TAFA2: variants seen among roughly 807,000 people sequenced by gnomAD.
TAFA2 encodes the protein TAFA chemokine like family member 2.
In TAFA2, 7 loss-of-function variants were observed where a neutral mutation model predicts 18.8. The ratio of observed to expected loss-of-function variants is 0.37; its 90% CI spans 0.21 to 0.70. The LOEUF is 0.70. TAFA2 is among the 30% of genes least tolerant of loss of function. The pLI is 0.53. For synonymous variants in TAFA2, 60 were observed against 54.2 expected (o/e 1.11, Z -0.47); for missense variants, 122 against 158.1 (o/e 0.77, Z 1.23).
At chr12:61,929,228 A>G (rs1263931887) in intron 1 of TAFA2, among the ~76,000 whole-genome samples, 5 of 152,048 alleles carry the variant, frequency 3.3e-5, no homozygotes, top group Non-Finnish European at 7.4e-5. Flanking sequence ...AGGAAGGGAC[A>G]CATATTCTAC....
intron 1 of TAFA2, among the ~76,000 whole-genome samples, chr12:61,922,854 T>C (rs1408282329): frequency 2.0e-5 from 3 of 152,146 alleles, no homozygotes; most frequent in Non-Finnish European, 4.4e-5. Flanking sequence ...TGGCTTGAAA[T>C]TCTCGCTGCC....
chr12:61,973,067 T>C (rs1306904431), intron 1 of TAFA2, among the ~76,000 whole-genome samples: 1 of 151,700 alleles, frequency 6.6e-6, no homozygotes, highest in Non-Finnish European at 1.5e-5. Context: ...GAACAGTATG[T>C]TTTTCCTTTT....
intron 4 of TAFA2, among the ~76,000 whole-genome samples, chr12:61,741,179 A>G (rs929751289): frequency 6.6e-6 from 1 of 151,980 alleles, no homozygotes; most frequent in Non-Finnish European, 1.5e-5. Context: ...GGAATCTTAA[A>G]TTATTTTCAA....
intron 1 of TAFA2, among the ~76,000 whole-genome samples, chr12:61,927,196 T>C (rs1565684345): frequency 6.6e-6 from 1 of 151,958 alleles, no homozygotes; most frequent in African/African-American, 2.4e-5. Context: ...ATAAAGCGTA[T>C]TCAAATAGGA....
chr12:62,037,347 C>G (rs941235636), intron 1 of TAFA2, among the ~76,000 whole-genome samples: 12 of 152,158 alleles, frequency 7.9e-5, no homozygotes, highest in Admixed American at 2.6e-4. Context: ...AAGAATAATA[C>G]CAAAAGAATC....
At chr12:61,837,531 A>G (rs889209531) in intron 2 of TAFA2, among the ~76,000 whole-genome samples, 7 of 151,974 alleles carry the variant, frequency 4.6e-5, no homozygotes, top group African/African-American at 1.7e-4. Flanking sequence ...CTTAAATTAA[A>G]TCATTTTGAA....
chr12:61,944,504 A>G lies in TAFA2; in HGVS notation c.-1-77078T>C, dbSNP rs1878179306. On this transcript the variant is annotated intron_variant, in intron 1 of 4. Transcript: ENST00000416284. Reference sequence around the variant, plus strand: ...ACACAAAAAACCCTTCAAAAAATCAATGAATCCAGGAGCTGGTTTTTTGAA... The same window carrying G: ...ACACAAAAAACCCTTCAAAAAATCAGTGAATCCAGGAGCTGGTTTTTTGAA... Among the ~76,000 whole-genome samples the G allele has an allele frequency of 4.1e-5, 5 of 123,004 alleles. No homozygotes were observed. The East Asian group carries it at 7.8e-4, about 19-fold the overall frequency. 80.7% of individuals were successfully genotyped at this position (123,004 alleles called of 152,430 possible).
At chr12:62,162,318 G>T (rs1335647126) in intron 1 of TAFA2, among the ~76,000 whole-genome samples, 1 of 152,122 alleles carries the variant, frequency 6.6e-6, no homozygotes, top group Admixed American at 6.5e-5. Context: ...AACACTGATG[G>T]TAGCTCTAAT....
chr12:62,057,341 C>CT lies in TAFA2; in HGVS notation c.-2+133917dup, dbSNP rs1882213828. On this transcript the variant is annotated intron_variant, in intron 1 of 4. Coordinates refer to ENST00000416284, the MANE Select transcript of TAFA2 (RefSeq NM_178539.5). ...AATTCTTAGTATTTTTTCTTGATTG[C>CT]TTTTTTCTCTTCTTCTTCTGATCCA... Among the ~76,000 whole-genome samples, 2 of 152,024 alleles carry CT rather than the reference C, an allele frequency of 1.3e-5. 1 individual carries two copies. The highest frequency in any genetic ancestry group is 4.8e-5 in the African/African-American group (2 of 41,500).
chr12:61,879,454 T>A, intron 1 of TAFA2: 1 of 691,614 alleles, frequency 1.4e-6, no homozygotes, highest in Non-Finnish European at 2.7e-6. Flanking sequence ...CAGCAGCAGC[T>A]TCCAGGGTGG....
rs377088264 is a variant in TAFA2 at position 62,034,012 on chromosome 12, T to C, written c.-2+157247A>G. On this transcript the variant is annotated intron_variant, in intron 1 of 4. Coordinates refer to ENST00000416284, the MANE Select transcript of TAFA2 (RefSeq NM_178539.5). ...CATGTGGTTCAATCTAATCCCTTTA[T>C]TCAAAAAGCATTAACTGAATAATAT... is the stretch of plus-strand genomic sequence containing the variant. Among the ~76,000 whole-genome samples, 3 of 152,174 alleles carry C rather than the reference T, an allele frequency of 2.0e-5. No individual in the cohort carries two copies. The East Asian group carries it at 5.8e-4, about 29-fold the overall frequency.
At chr12:62,200,073 C>T (rs529517588) in intron 1 of TAFA2, among the ~76,000 whole-genome samples, 1 of 152,204 alleles carries the variant, frequency 6.6e-6, no homozygotes, top group South Asian at 2.1e-4. Flanking sequence ...TGTCTCTGTT[C>T]AAGTCCTTTG....
chr12:61,714,442 A>C (rs944777518), intron 4 of TAFA2, among the ~76,000 whole-genome samples: 3 of 152,190 alleles, frequency 2.0e-5, no homozygotes, highest in Non-Finnish European at 2.9e-5. Flanking sequence ...TGAAGATGCT[A>C]ATCTGGTAAC....
chr12:61,830,885 G>A (rs1163880929), intron 2 of TAFA2, among the ~76,000 whole-genome samples: 1 of 151,838 alleles, frequency 6.6e-6, no homozygotes, highest in Non-Finnish European at 1.5e-5. Context: ...TTAACAGCGG[G>A]CCAAATATGT....
At chr12:62,239,924 G>A (rs1022106826) in intron 1 of TAFA2, among the ~76,000 whole-genome samples, 2 of 152,092 alleles carry the variant, frequency 1.3e-5, no homozygotes. Context: ...CAAGTGGGTT[G>A]TTACGCAGAA....
intron 2 of TAFA2, among the ~76,000 whole-genome samples, chr12:61,765,724 T>A (rs1869760507): frequency 1.3e-5 from 2 of 152,106 alleles, no homozygotes; most frequent in South Asian, 4.1e-4. Context: ...CTATAATTAT[T>A]ATGGAGAGTA....
chr12:62,027,239 T>C (rs1881334506), intron 1 of TAFA2, among the ~76,000 whole-genome samples: 1 of 152,134 alleles, frequency 6.6e-6, no homozygotes, highest in Non-Finnish European at 1.5e-5. Context: ...ACTTGTGTGA[T>C]TGCAAGATAA....
At chr12:61,922,374 G>A (rs1877090864) in intron 1 of TAFA2, among the ~76,000 whole-genome samples, 1 of 152,136 alleles carries the variant, frequency 6.6e-6, no homozygotes. Flanking sequence ...GAAGGTGGGT[G>A]ATTTCTGCAT....
At chr12:61,914,230 A>G (rs933955456) in intron 1 of TAFA2, among the ~76,000 whole-genome samples, 3 of 152,214 alleles carry the variant, frequency 2.0e-5, no homozygotes, top group Non-Finnish European at 2.9e-5. Context: ...CCAGGAAGGC[A>G]TCACAGTCAA....
Sources: gnomAD v4.1 joint callset for allele counts (sites outside exome capture counted in the v4.1 genomes callset) on GRCh38, gnomAD v4.1.1 for gene constraint, MANE v1.5 for transcripts, NCBI Gene and HGNC (gene_info 2026-07-23, HGNC 2026-07-21) for gene names.